The following KIAA1755 variants were observed in gnomAD, a reference collection of about 807,000 sequenced individuals.
The protein encoded by KIAA1755 is uncharacterized protein KIAA1755.
A neutral mutation model predicts 91.7 loss-of-function variants in KIAA1755; 68 were observed. That is an observed-to-expected ratio of 0.74 (90% CI 0.61 to 0.91). The LOEUF (loss-of-function observed/expected upper bound fraction) is 0.91. Among genes scored for constraint, KIAA1755 ranks in the 40% least tolerant of loss-of-function variants. KIAA1755 has a pLI of 0.00. For missense variants in KIAA1755, 1,535 were observed against 1,494.4 expected (o/e 1.03, Z -0.45); for synonymous variants, 610 against 604.6 (o/e 1.01, Z -0.13).
At chr20:38,231,980 C>T (rs994234933) in intron 4 of KIAA1755, among the ~76,000 whole-genome samples, 2 of 152,234 alleles carry the variant, frequency 1.3e-5, no homozygotes, top group Admixed American at 1.3e-4. Context: ...CTCACTCTCC[C>T]CACAGGAGTC....
At chr20:38,216,744 A>G (rs532589793) in intron 13 of KIAA1755, 2 of 444,992 alleles carry the variant, frequency 4.5e-6, no homozygotes, top group South Asian at 3.2e-5. Context: ...CCTGTCATCA[A>G]AGAGGTATGG....
chr20:38,216,023 G>T (rs943757086), intron 13 of KIAA1755, among the ~76,000 whole-genome samples: 2 of 152,116 alleles, frequency 1.3e-5, no homozygotes, highest in African/African-American at 4.8e-5. Flanking sequence ...GTGGAAATGG[G>T]CATAATAGTA....
chr20:38,219,880 A>G, intron 10 of KIAA1755, 112 bp from the exon 11 acceptor site: 2 of 1,395,352 alleles, frequency 1.4e-6, no homozygotes, highest in East Asian at 2.3e-5. Flanking sequence ...CTGGGTTTCC[A>G]GCTAACTTGC....
rs145931901 is a variant in KIAA1755 at position 38,248,862 on chromosome 20, TTTTGTTTG to T, written c.4-2744_4-2737del. Among the ~76,000 whole-genome samples, 6 of 149,032 alleles carry T rather than the reference TTTTGTTTG, an allele frequency of 4.0e-5. No individual in the cohort carries two copies. In the South Asian group the frequency reaches 6.5e-4, roughly 16 times the overall value. ...AGGGATGAGCCACCGTGCTTGGCCT[TTTTGTTTG>T]TTTGTTTGTTTGTTTGTTTTTAAAG... is the stretch of plus-strand genomic sequence containing the variant. On this transcript the variant is annotated intron_variant, in intron 1 of 13. Coordinates refer to ENST00000279024, the MANE Select transcript of KIAA1755 (RefSeq NM_001029864.2).
chr20:38,260,407 A>G (rs550401667), intron 1 of KIAA1755, 91 bp downstream of exon 1: 43 of 1,596,020 alleles, frequency 2.7e-5, no homozygotes, highest in Non-Finnish European at 3.7e-5. Flanking sequence ...GTAAAAGGCC[A>G]GGGCCACCCG....
intron 1 of KIAA1755, among the ~76,000 whole-genome samples, chr20:38,253,100 G>T (rs2076280588): frequency 6.6e-6 from 1 of 152,124 alleles, no homozygotes; most frequent in Non-Finnish European, 1.5e-5. Flanking sequence ...CCAGGCAGGA[G>T]CCAGCGGGTG....
chr20:38,219,158 G>GC (rs781409690), intron 11 of KIAA1755, among the ~76,000 whole-genome samples: 1 of 152,174 alleles, frequency 6.6e-6, no homozygotes, highest in African/African-American at 2.4e-5. Flanking sequence ...AGTGTGCCGT[G>GC]CCCCACAGCT....
At chr20:38,245,617 G>C (rs2076144188) in intron 2 of KIAA1755, among the ~76,000 whole-genome samples, 1 of 152,232 alleles carries the variant, frequency 6.6e-6, no homozygotes. Context: ...GCACTTGGCA[G>C]TGCCCACAAT....
chr20:38,221,241 C>T (rs999425417), intron 10 of KIAA1755, among the ~76,000 whole-genome samples: 2 of 152,184 alleles, frequency 1.3e-5, no homozygotes, highest in Non-Finnish European at 2.9e-5. Flanking sequence ...GCAGAACAAA[C>T]GCCCACAGCA....
At chr20:38,249,455 G>A (rs994259874) in intron 1 of KIAA1755, among the ~76,000 whole-genome samples, 1 of 152,254 alleles carries the variant, frequency 6.6e-6, no homozygotes, top group Non-Finnish European at 1.5e-5. Context: ...TGAGGAGGAG[G>A]AGGGTGGCAT....
At chr20:38,239,308 G>T (rs2076011439) in intron 4 of KIAA1755, among the ~76,000 whole-genome samples, 1 of 152,254 alleles carries the variant, frequency 6.6e-6, no homozygotes, top group Non-Finnish European at 1.5e-5. Context: ...CAAGTAGACA[G>T]ATGGACAGAC....
At chr20:38,233,749 G>A (rs2075909254) in intron 4 of KIAA1755, 1 of 152,040 alleles carries the variant, frequency 6.6e-6, no homozygotes, top group Non-Finnish European at 1.5e-5. Flanking sequence ...CAAGCTTCTG[G>A]ACCTGGCATT....
intron 2 of KIAA1755, 66 bp from the exon 3 acceptor site, chr20:38,241,995 C>A: frequency 6.7e-7 from 1 of 1,495,326 alleles, no homozygotes; most frequent in Non-Finnish European, 9.1e-7. Context: ...GGATTTGCTC[C>A]TTTCCCTCTC....
Position 38,239,656 on chromosome 20 carries a change from G to A in KIAA1755, c.1619C>T (p.Ala540Val). The A allele has an allele frequency of 6.2e-7, 1 of 1,607,256 alleles. No individual in the cohort carries two copies. Among genetic ancestry groups the A allele is most frequent in the Non-Finnish European group, 8.5e-7 (1 of 1,177,572 alleles). Residue 540 changes from alanine to valine, a missense_variant, in exon 4 of 14, where the codon GCC (alanine) becomes GTC (valine). Ala to Val is a moderately conservative substitution (Grantham distance 64). Transcript: ENST00000279024. ...GGAGCCTGCAGAAGCTTCTGGCAAG[G>A]CAGCCTTTTCCTCAGTCAGTGGGCT... is the stretch of plus-strand genomic sequence containing the variant. ...APSPLTEEKA[A>V]LPEASAGSPE...
chr20:38,224,017 T>C (rs1278367887), intron 8 of KIAA1755, among the ~76,000 whole-genome samples: 1 of 152,108 alleles, frequency 6.6e-6, no homozygotes, highest in East Asian at 1.9e-4. Context: ...AGGGCAGAGT[T>C]AGGGGAACAT....
At chr20:38,252,916 G>A (rs1380402479) in intron 1 of KIAA1755, among the ~76,000 whole-genome samples, 3 of 152,206 alleles carry the variant, frequency 2.0e-5, no homozygotes, top group Non-Finnish European at 2.9e-5. Context: ...GGCGGCTGCA[G>A]GAAGGAACGC....
At position 38,230,467 on chromosome 20, in the gene KIAA1755, C is replaced by T. The variant is rs73621929; in HGVS notation, c.1871+735G>A. On this transcript the variant is annotated intron_variant, in intron 5 of 13. Transcript: ENST00000279024. ...GTCCCAGGCCCAGCACCTGTTATCA[C>T]CGGGAAATTTGTTACAAATGCAGAT... Among the ~76,000 whole-genome samples, 875 of 152,294 alleles carry T rather than the reference C, an allele frequency of 5.7e-3. 15 individuals are homozygous for T. In the East Asian group the frequency reaches 0.074, roughly 13 times the overall value.
rs780147942 is a variant in KIAA1755, at chr20:38,246,048, C to CGGTG, written c.78_81dup (p.Val28HisfsTer34). The CGGTG allele has an allele frequency of 1.9e-6, 3 of 1,614,150 alleles. No homozygotes were observed. In the South Asian group the frequency reaches 3.3e-5, roughly 18 times the overall value. The stretch of plus-strand genomic sequence containing the variant: ...AGGAGACGGAACACCTGACCCAGGA[C>CGGTG]GGTGGGTGCTGTGGCCTCGAAAGGA... On this transcript the variant is annotated frameshift_variant, in exon 2 of 14. Transcript: ENST00000279024. LOFTEE classifies it high-confidence loss of function.
At chr20:38,241,952 T>A in intron 2 of KIAA1755, 23 bp from the exon 3 acceptor site, 1 of 1,594,500 alleles carries the variant, frequency 6.3e-7, no homozygotes, top group Non-Finnish European at 8.5e-7. Context: ...GGGGATGGCA[T>A]CAGAGAACCT....
Sources: gnomAD v4.1 joint callset for allele counts (sites outside exome capture counted in the v4.1 genomes callset) on GRCh38, gnomAD v4.1.1 for gene constraint, MANE v1.5 for transcripts, NCBI Gene and HGNC (gene_info 2026-07-23, HGNC 2026-07-21) for gene names.